The following TTBK2 variants were observed in gnomAD, a reference collection of about 807,000 sequenced individuals.
TTBK2 encodes the protein tau tubulin kinase 2, also known as tau-tubulin kinase 2.
A neutral mutation model predicts 110.8 loss-of-function variants in TTBK2; 28 were observed. The ratio of observed to expected loss-of-function variants is 0.25; its 90% confidence interval spans 0.19 to 0.35. The LOEUF (loss-of-function observed/expected upper bound fraction) is 0.35, where lower values mean the gene tolerates loss of function less well. Ranked by LOEUF, TTBK2 falls within the 10% of genes least tolerant of loss-of-function variation. The pLI is 1.00. For synonymous variants in TTBK2, 532 were observed against 527.3 expected (o/e 1.01, Z -0.12); for missense variants, 1,369 against 1,500.3 (o/e 0.91, Z 1.45).
intron 6 of TTBK2, among the ~76,000 whole-genome samples, chr15:42,822,327 A>G: frequency 6.6e-6 from 1 of 152,194 alleles, no homozygotes; most frequent in East Asian, 1.9e-4. Context: ...TATCTATTTG[A>G]AATTTATATT....
At chr15:42,842,812 G>T (rs1405891522) in intron 3 of TTBK2, among the ~76,000 whole-genome samples, 1 of 151,978 alleles carries the variant, frequency 6.6e-6, no homozygotes, top group African/African-American at 2.4e-5. Flanking sequence ...GTTTATAAAG[G>T]GGGTATAAGC....
At chr15:42,823,048 A>T (rs1892374302) in intron 6 of TTBK2, among the ~76,000 whole-genome samples, 1 of 152,272 alleles carries the variant, frequency 6.6e-6, no homozygotes. Context: ...AATGGAATTA[A>T]GAAAATATCT....
chr15:42,908,947 T>C (rs527302669), intron 1 of TTBK2, among the ~76,000 whole-genome samples: 1 of 152,314 alleles, frequency 6.6e-6, no homozygotes, highest in South Asian at 2.1e-4. Context: ...CTTCTTACTG[T>C]TGCTGTAACA....
intron 3 of TTBK2, among the ~76,000 whole-genome samples, chr15:42,867,298 A>T (rs1039546490): frequency 6.6e-6 from 1 of 151,824 alleles, no homozygotes; most frequent in Admixed American, 6.6e-5. Context: ...ATCAATAACC[A>T]AAGTTTTTAC....
chr15:42,836,232 A>G (rs1359163841), intron 4 of TTBK2, among the ~76,000 whole-genome samples: 1 of 152,220 alleles, frequency 6.6e-6, no homozygotes, highest in Non-Finnish European at 1.5e-5. Context: ...AATTTCTACA[A>G]CAGAGATAAG....
rs185887837 is a variant in TTBK2, at chr15:42,799,162, G to C, written c.823-4361C>G. Among the ~76,000 whole-genome samples, 7 of 152,228 alleles carry C rather than the reference G, an allele frequency of 4.6e-5. No homozygotes were observed. The East Asian group carries it at 1.4e-3, about 30-fold the overall frequency. ...AGGCGAGCGGATCACGAGGTCAGGA[G>C]ATCGAGACCATCCTCACTAACGTGG... On this transcript the variant is annotated intron_variant, in intron 9 of 14. Coordinates refer to ENST00000267890, the MANE Select transcript of TTBK2 (RefSeq NM_173500.4).
intron 13 of TTBK2, among the ~76,000 whole-genome samples, chr15:42,773,968 G>A (rs1323776670): frequency 6.6e-6 from 1 of 152,270 alleles, no homozygotes; most frequent in South Asian, 2.1e-4. Context: ...TTTGTTTCCT[G>A]GCTAGATTCC....
At chr15:42,837,657 CAAAAAAAAAAAAA>C (rs35898464) in intron 4 of TTBK2, among the ~76,000 whole-genome samples, 2 of 39,996 alleles carry the variant, frequency 5.0e-5, no homozygotes, top group African/African-American at 9.1e-5. Flanking sequence ...GACTCTGTCT[CAAAAAAAAAAAAA>C]AAAAAAAAAA....
intron 13 of TTBK2, among the ~76,000 whole-genome samples, chr15:42,753,468 T>C (rs948563670): frequency 2.6e-5 from 4 of 152,172 alleles, no homozygotes; most frequent in African/African-American, 9.7e-5. Flanking sequence ...CCTGTAGGTT[T>C]ATCCCTGCCC....
chr15:42,894,062 T>TA (rs1338456482), intron 1 of TTBK2, among the ~76,000 whole-genome samples: 1 of 152,198 alleles, frequency 6.6e-6, no homozygotes, highest in Admixed American at 6.5e-5. Flanking sequence ...TGAGGGCAGT[T>TA]ACTGCCATGA....
chr15:42,780,253 G>C (rs557347558), intron 11 of TTBK2, among the ~76,000 whole-genome samples: 5 of 138,374 alleles, frequency 3.6e-5, no homozygotes, highest in African/African-American at 1.4e-4. Context: ...GACTGGTCTC[G>C]AACTCCTGGG....
chr15:42,827,657 G>T (rs1892587867), intron 6 of TTBK2, among the ~76,000 whole-genome samples: 1 of 152,036 alleles, frequency 6.6e-6, no homozygotes, highest in African/African-American at 2.4e-5. Flanking sequence ...TGTAGAAAGG[G>T]TCTCATACTG....
At chr15:42,835,834 T>A (rs1410552821) in intron 4 of TTBK2, among the ~76,000 whole-genome samples, 1 of 152,106 alleles carries the variant, frequency 6.6e-6, no homozygotes, top group African/African-American at 2.4e-5. Flanking sequence ...AAAGAGAAAA[T>A]ACTTGAAACA....
chr15:42,756,524 TGCAG>T (rs1482006700), intron 13 of TTBK2, among the ~76,000 whole-genome samples: 1 of 152,120 alleles, frequency 6.6e-6, no homozygotes, highest in East Asian at 1.9e-4. Flanking sequence ...AGGCAGAGGT[TGCAG>T]TGAGCCAAGA....
intron 10 of TTBK2, among the ~76,000 whole-genome samples, chr15:42,794,262 A>G (rs1200568646): frequency 6.6e-6 from 1 of 152,224 alleles, no homozygotes; most frequent in Non-Finnish European, 1.5e-5. Context: ...TAAGAGGAAC[A>G]TGTTACATGC....
chr15:42,888,953 CTT>C (rs1244769335), intron 1 of TTBK2, among the ~76,000 whole-genome samples: 3 of 152,198 alleles, frequency 2.0e-5, no homozygotes, highest in Non-Finnish European at 4.4e-5. Context: ...CTATCAATCT[CTT>C]CTCACACAAG....
At chr15:42,805,700 C>T (rs774167185) in intron 9 of TTBK2, among the ~76,000 whole-genome samples, 3 of 152,176 alleles carry the variant, frequency 2.0e-5, no homozygotes, top group Non-Finnish European at 2.9e-5. Context: ...TCCTAGCCTC[C>T]CCTGCAGTTA....
chr15:42,879,493 A>G (rs889970139), intron 1 of TTBK2, among the ~76,000 whole-genome samples: 1 of 152,210 alleles, frequency 6.6e-6, no homozygotes, highest in East Asian at 1.9e-4. Context: ...AACTTTTTCA[A>G]TACAGGTCTA....
intron 13 of TTBK2, among the ~76,000 whole-genome samples, chr15:42,773,218 A>C (rs1889753843): frequency 6.6e-6 from 1 of 152,136 alleles, no homozygotes; most frequent in African/African-American, 2.4e-5. Flanking sequence ...TAGAAATAAA[A>C]AACTGAGAAA....
Sources: allele counts gnomAD v4.1 joint callset (sites outside exome capture counted in the v4.1 genomes callset), GRCh38; gene constraint gnomAD v4.1.1; transcripts MANE v1.5; gene names NCBI Gene and HGNC (gene_info 2026-07-23, HGNC 2026-07-21).